The following EYA1 variants were observed in gnomAD, a reference collection of about 807,000 sequenced individuals.
EYA1 encodes the protein protein phosphatase EYA1.
EYA1 carries 16 observed loss-of-function variants against 82.0 expected under a neutral mutation model. That is an observed-to-expected ratio of 0.20 (90% CI 0.13 to 0.30). The LOEUF (loss-of-function observed/expected upper bound fraction) is 0.30. Ranked by LOEUF, EYA1 falls within the 10% of genes least tolerant of loss-of-function variation. The pLI is 1.00. For synonymous variants in EYA1, 261 were observed against 264.4 expected, an observed-to-expected ratio of 0.99 and a Z score of 0.12; for missense variants, 633 against 730.7, an observed-to-expected ratio of 0.87 and a Z score of 1.54.
At chr8:71,322,512 C>T in intron 4 of EYA1, 1 of 511,066 alleles carries the variant, frequency 2.0e-6, no homozygotes, top group East Asian at 3.5e-5. Flanking sequence ...AAAACGTCAT[C>T]ACAATCTTCG....
At chr8:71,338,178 G>T (rs913274257) in intron 3 of EYA1, among the ~76,000 whole-genome samples, 1 of 152,198 alleles carries the variant, frequency 6.6e-6, no homozygotes, top group African/African-American at 2.4e-5. Context: ...GAAGTAAAGG[G>T]ATGTATCCAA....
intron 9 of EYA1, among the ~76,000 whole-genome samples, chr8:71,296,187 A>G (rs1378275285): frequency 6.6e-6 from 1 of 152,178 alleles, no homozygotes; most frequent in African/African-American, 2.4e-5. Context: ...TTCAAGTTAT[A>G]TTATTTTTAA....
At chr8:71,300,201 G>T (rs979170831) in intron 7 of EYA1, among the ~76,000 whole-genome samples, 1 of 152,122 alleles carries the variant, frequency 6.6e-6, no homozygotes, top group African/African-American at 2.4e-5. Flanking sequence ...TCATTTCACA[G>T]AAGAATGAAT....
intron 9 of EYA1, among the ~76,000 whole-genome samples, chr8:71,278,841 C>G (rs1444977655): frequency 1.3e-5 from 2 of 152,258 alleles, no homozygotes; most frequent in East Asian, 3.9e-4. Flanking sequence ...CTACATATGC[C>G]AGTAGTGGTT....
intron 1 of EYA1, chr8:71,547,686 G>T (rs1339834170): frequency 1.3e-5 from 2 of 151,626 alleles, no homozygotes; most frequent in African/African-American, 4.8e-5. Context: ...CCGCCGCCTG[G>T]GAACTCAGGG....
intron 6 of EYA1, among the ~76,000 whole-genome samples, chr8:71,318,447 T>C (rs1432255164): frequency 2.0e-5 from 3 of 152,210 alleles, no homozygotes; most frequent in African/African-American, 4.8e-5. Context: ...GTTTTTATCA[T>C]ATGATAATAT....
At chr8:71,275,195 C>CG (rs543188818) in intron 9 of EYA1, among the ~76,000 whole-genome samples, 70 of 151,928 alleles carry the variant, frequency 4.6e-4, no homozygotes, top group Non-Finnish European at 8.4e-4. Flanking sequence ...ATGCAGGTGC[C>CG]GGGCATAAGG....
chr8:71,260,177 C>T (rs188568920), intron 11 of EYA1, among the ~76,000 whole-genome samples: 113 of 152,158 alleles, frequency 7.4e-4, no homozygotes, highest in African/African-American at 2.6e-3. Context: ...AAATTGAAAA[C>T]AAAAAATTTA....
rs79955682 is a variant in EYA1 at position 71,315,217 on chromosome 8, G to A, written c.556+2335C>T. On this transcript the variant is annotated intron_variant, in intron 7 of 17. Transcript: ENST00000340726. ...AAAGAAAAAAAATTTTCTAAAAAAA[G>A]AGACAGTATAAGTCTCATTTTAAAA... Among the ~76,000 whole-genome samples, 95 of 152,216 alleles carry A rather than the reference G, an allele frequency of 6.2e-4. No homozygotes were observed. In the East Asian group the frequency reaches 8.7e-3, roughly 14 times the overall value.
intron 11 of EYA1, among the ~76,000 whole-genome samples, chr8:71,266,426 G>C (rs1586082481): frequency 6.6e-6 from 1 of 152,248 alleles, no homozygotes. Flanking sequence ...GATCAGATTT[G>C]AGAGCCAATT....
At chr8:71,359,831 A>T (rs965063710) in intron 1 of EYA1, among the ~76,000 whole-genome samples, 2 of 152,320 alleles carry the variant, frequency 1.3e-5, no homozygotes, top group Non-Finnish European at 2.9e-5. Context: ...GTCCAACCAC[A>T]GATCAACCTG....
chr8:71,363,814 TG>T (rs1263771223), upstream of EYA1, among the ~76,000 whole-genome samples: 2 of 152,172 alleles, frequency 1.3e-5, no homozygotes, highest in Non-Finnish European at 2.9e-5. Flanking sequence ...AATTAAACAA[TG>T]CTTGAAATTT....
intron 11 of EYA1, among the ~76,000 whole-genome samples, chr8:71,261,340 G>T (rs981595774): frequency 5.9e-5 from 9 of 152,076 alleles, no homozygotes; most frequent in Non-Finnish European, 1.2e-4. Context: ...GGGCTACTTA[G>T]ATATGAAATA....
At chr8:71,205,979 TATTA>T (rs1182992870) in intron 17 of EYA1, among the ~76,000 whole-genome samples, 5 of 152,322 alleles carry the variant, frequency 3.3e-5, no homozygotes, top group South Asian at 2.1e-4. Context: ...ATTGGTTTGC[TATTA>T]ATTTATTTAA....
intron 2 of EYA1, among the ~76,000 whole-genome samples, chr8:71,402,185 G>T (rs560249596): frequency 1.3e-5 from 2 of 152,262 alleles, no homozygotes; most frequent in African/African-American, 2.4e-5. Flanking sequence ...TACTTTCTGT[G>T]CTCCTGCAAG....
chr8:71,371,305 T>C (rs1563544781), intron 2 of EYA1, among the ~76,000 whole-genome samples: 1 of 152,160 alleles, frequency 6.6e-6, no homozygotes, highest in Non-Finnish European at 1.5e-5. Context: ...CGCTAAATGC[T>C]GGGATAACTG....
intron 2 of EYA1, among the ~76,000 whole-genome samples, chr8:71,483,662 TGTGTGTGTGTGC>T (rs1810347492): frequency 6.7e-6 from 1 of 149,432 alleles, no homozygotes; most frequent in African/African-American, 2.6e-5. Context: ...GTCAATGGTA[TGTGTGTGTGTGC>T]GTGTGTGTGT....
chr8:71,458,036 G>A (rs974453297), intron 2 of EYA1, among the ~76,000 whole-genome samples: 3 of 152,032 alleles, frequency 2.0e-5, no homozygotes, highest in African/African-American at 7.2e-5. Context: ...AATTTTCAGG[G>A]TAGAGAGAGC....
intron 2 of EYA1, among the ~76,000 whole-genome samples, chr8:71,378,865 TTAAA>T (rs200807040): frequency 0.017 from 2,552 of 152,352 alleles, 35 homozygotes; most frequent in African/African-American, 0.036. Flanking sequence ...AACTTATGTG[TTAAA>T]TAAAATACTT....
Sources: gnomAD v4.1 joint callset for allele counts (sites outside exome capture counted in the v4.1 genomes callset) on GRCh38, gnomAD v4.1.1 for gene constraint, MANE v1.5 for transcripts, NCBI Gene and HGNC (gene_info 2026-07-23, HGNC 2026-07-21) for gene names.